PTPN1: variants seen among roughly 807,000 people sequenced by gnomAD.
The protein encoded by PTPN1 is protein tyrosine phosphatase non-receptor type 1.
PTPN1 carries 12 observed loss-of-function variants against 59.9 expected under a neutral mutation model. The observed-to-expected ratio is 0.20, with a 90% CI of 0.13 to 0.32. The LOEUF (loss-of-function observed/expected upper bound fraction) is 0.32, where lower values mean the gene tolerates loss of function less well. Among genes scored for constraint, PTPN1 ranks in the 10% least tolerant of loss-of-function variants. PTPN1 has a pLI of 1.00. For missense variants in PTPN1, 356 were observed against 549.2 expected (o/e 0.65, Z 3.52); for synonymous variants, 178 against 203.6 (o/e 0.87, Z 1.07).
rs376988088 is a variant in PTPN1, at chr20:50,526,250, G to A, written c.63+15660G>A. Among the ~76,000 whole-genome samples, 19 of 152,104 alleles carry A rather than the reference G, an allele frequency of 1.2e-4. 1 individual carries two copies. Among genetic ancestry groups the A allele is most frequent in the African/African-American group, 4.6e-4 (19 of 41,478 alleles). ...TATTTAATTTAATTTTATTTTTAATGATTTTTTTGGTGGGGTACAGGGTCT... is the reference window on the plus strand; with the variant it reads ...TATTTAATTTAATTTTATTTTTAATAATTTTTTTGGTGGGGTACAGGGTCT... On this transcript the variant is annotated intron_variant, in intron 1 of 9. Coordinates refer to ENST00000371621, the MANE Select transcript of PTPN1 (RefSeq NM_002827.4).
intron 1 of PTPN1, among the ~76,000 whole-genome samples, chr20:50,530,768 C>T (rs2082597442): frequency 6.6e-6 from 1 of 151,540 alleles, no homozygotes; most frequent in Non-Finnish European, 1.5e-5. Flanking sequence ...TCAAAACTCA[C>T]TGGCAGCCTT....
chr20:50,580,272 G>A (rs1465286084), intron 8 of PTPN1, among the ~76,000 whole-genome samples: 1 of 152,206 alleles, frequency 6.6e-6, no homozygotes, highest in African/African-American at 2.4e-5. Context: ...GAAATGTGAT[G>A]TCCAGGCTTG....
chr20:50,527,543 C>T lies in PTPN1; in HGVS notation c.63+16953C>T, dbSNP rs560265842. Among the ~76,000 whole-genome samples, 12 of 152,134 alleles carry T rather than the reference C, an allele frequency of 7.9e-5. No homozygotes were observed. The South Asian group carries it at 2.3e-3, about 29-fold the overall frequency. On this transcript the variant is annotated intron_variant, in intron 1 of 9. Coordinates refer to ENST00000371621, the MANE Select transcript of PTPN1 (RefSeq NM_002827.4). Reference sequence around the variant, plus strand: ...TATTTTTGGTAGAGATGGGGCTTCACCATGTTGGCCAGGCTTGTTGGCATG... The same window carrying T: ...TATTTTTGGTAGAGATGGGGCTTCATCATGTTGGCCAGGCTTGTTGGCATG...
chr20:50,559,042 T>G (rs2082739056), intron 1 of PTPN1, among the ~76,000 whole-genome samples: 1 of 150,464 alleles, frequency 6.6e-6, no homozygotes, highest in Non-Finnish European at 1.5e-5. Flanking sequence ...TTTTTTTTTT[T>G]TTTTTTTTTG....
intron 1 of PTPN1, among the ~76,000 whole-genome samples, chr20:50,531,945 G>A (rs138247148): frequency 3.3e-5 from 5 of 152,342 alleles, no homozygotes; most frequent in Admixed American, 1.3e-4. Context: ...TTGGCTACGC[G>A]CATGGTAACC....
At chr20:50,556,865 A>G (rs2122771225) in intron 1 of PTPN1, among the ~76,000 whole-genome samples, 1 of 152,344 alleles carries the variant, frequency 6.6e-6, no homozygotes, top group African/African-American at 2.4e-5. Context: ...GAATTGCTTC[A>G]ACCCGGGAGG....
intron 7 of PTPN1, 75 bp from the exon 8 acceptor site, chr20:50,579,628 G>A: frequency 7.5e-7 from 1 of 1,337,082 alleles, no homozygotes. Context: ...CGTCACCTCT[G>A]CTCATGCAAA....
At position 50,568,500 on chromosome 20, in the gene PTPN1, T is replaced by G; in HGVS notation, c.354+22T>G. On this transcript the variant is annotated intron_variant, in intron 4 of 9. Transcript: ENST00000371621. This position sits in a 1 kb window ranked among gnomAD's most constrained non-coding sequence, Gnocchi z 5.6. ...TTCGGTAAGTCTCGGCTTCATTTGC[T>G]GTGTATGTGATCATGCATACCACTC... 2 of 1,584,062 alleles carry G rather than the reference T, an allele frequency of 1.3e-6. No individual in the cohort carries two copies. Among genetic ancestry groups the G allele is most frequent in the Non-Finnish European group, 1.7e-6 (2 of 1,152,674 alleles).
At chr20:50,578,099 T>G in intron 5 of PTPN1, 2 of 220,236 alleles carry the variant, frequency 9.1e-6, no homozygotes, top group Non-Finnish European at 1.8e-5. Context: ...CCCAGCATCA[T>G]TGTGACTCGT....
intron 1 of PTPN1, among the ~76,000 whole-genome samples, chr20:50,526,087 ATGTGTG>A (rs140304351): frequency 6.6e-6 from 1 of 151,620 alleles, no homozygotes; most frequent in East Asian, 1.9e-4. Flanking sequence ...CATAGGGTGT[ATGTGTG>A]TGTGTGTGCG....
chr20:50,537,354 T>G lies in PTPN1; in HGVS notation c.64-24009T>G, dbSNP rs527669641. Among the ~76,000 whole-genome samples, 6 of 152,030 alleles carry G rather than the reference T, an allele frequency of 3.9e-5. No homozygotes were observed. The South Asian group carries it at 1.0e-3, about 26-fold the overall frequency. Reference sequence around the variant, plus strand: ...TAATAATAATAATAATAAATAAACTTTAAAAATAAAACAGAGAGATCCCAT... The same window carrying G: ...TAATAATAATAATAATAAATAAACTGTAAAAATAAAACAGAGAGATCCCAT... On this transcript the variant is annotated intron_variant, in intron 1 of 9. Transcript: ENST00000371621.
intron 1 of PTPN1, among the ~76,000 whole-genome samples, chr20:50,553,657 ATAGC>A (rs1471199496): frequency 4.4e-4 from 67 of 152,364 alleles, no homozygotes; most frequent in African/African-American, 1.5e-3. Flanking sequence ...AATGTGATGC[ATAGC>A]TAGAAGAAAA....
chr20:50,523,144 G>T (rs1041843962), intron 1 of PTPN1, among the ~76,000 whole-genome samples: 2 of 152,188 alleles, frequency 1.3e-5, no homozygotes, highest in African/African-American at 4.8e-5. Context: ...GTGGGGGAAG[G>T]GGAAGAAGAG....
chr20:50,537,348 T>G (rs185788949), intron 1 of PTPN1, among the ~76,000 whole-genome samples: 6 of 152,050 alleles, frequency 3.9e-5, no homozygotes, highest in Admixed American at 3.3e-4. Context: ...TAATAATAAA[T>G]AAACTTTAAA....
At chr20:50,579,063 C>T in intron 6 of PTPN1, 105 bp from the exon 7 acceptor site, 1 of 1,307,530 alleles carries the variant, frequency 7.6e-7, no homozygotes, top group South Asian at 1.3e-5. Context: ...CACTAGGGAT[C>T]ACATTTCAGC....
At chr20:50,527,161 AT>A (rs1314915841) in intron 1 of PTPN1, among the ~76,000 whole-genome samples, 2 of 152,066 alleles carry the variant, frequency 1.3e-5, no homozygotes, top group African/African-American at 2.4e-5. Flanking sequence ...CATCTTATGT[AT>A]GCCAGTTCAA....
chr20:50,510,598 A>C lies in PTPN1; in HGVS notation c.63+8A>C, dbSNP rs1438127147. On this transcript the variant is annotated splice_region_variant and intron_variant, in intron 1 of 9. Transcript: ENST00000371621. ...TGGGCGGCCATTTACCAGGTGCGGG[A>C]GCGCCCCGGAGCGTGGCGGGCCCTT... is the stretch of plus-strand genomic sequence containing the variant. 2 of 1,550,518 alleles carry C rather than the reference A, an allele frequency of 1.3e-6. No individual in the cohort carries two copies. The highest frequency in any genetic ancestry group is 1.7e-6 in the Non-Finnish European group (2 of 1,146,450).
chr20:50,574,834 G>A, intron 5 of PTPN1, 180 bp downstream of exon 5: 1 of 662,674 alleles, frequency 1.5e-6, no homozygotes, highest in South Asian at 2.2e-5. Flanking sequence ...TGCCCAGGGA[G>A]GGTGGAGGCC....
intron 1 of PTPN1, among the ~76,000 whole-genome samples, chr20:50,546,179 C>A (rs548789829): frequency 1.3e-5 from 2 of 152,212 alleles, no homozygotes; most frequent in Admixed American, 6.5e-5. Context: ...TGTCTTCCCC[C>A]CTGAAGCGCA....
Sources: gnomAD v4.1 joint callset for allele counts (sites outside exome capture counted in the v4.1 genomes callset) on GRCh38, gnomAD v4.1.1 for gene constraint, Gnocchi (gnomAD v3.1) non-coding constraint, MANE v1.5 for transcripts, NCBI Gene and HGNC (gene_info 2026-07-23, HGNC 2026-07-21) for gene names.